SORBS2: variants seen among roughly 807,000 people sequenced by gnomAD.
SORBS2 encodes the protein sorbin and SH3 domain-containing protein 2.
In SORBS2, 46 loss-of-function variants were observed where a neutral mutation model predicts 97.7. That is an observed-to-expected ratio of 0.47 (90% CI 0.37 to 0.60). The LOEUF (loss-of-function observed/expected upper bound fraction) is 0.60, where lower values mean the gene tolerates loss of function less well. Ranked by LOEUF, SORBS2 falls within the 20% of genes least tolerant of loss-of-function variation. SORBS2 has a pLI of 0.00. For missense variants in SORBS2, 1,316 were observed against 1,282.3 expected (o/e 1.03, Z -0.40); for synonymous variants, 476 against 473.4 (o/e 1.01, Z -0.07).
intron 13 of SORBS2, chr4:185,592,202 C>T (rs1398789755): frequency 6.6e-6 from 1 of 152,620 alleles, no homozygotes; most frequent in African/African-American, 2.4e-5. Flanking sequence ...TTCACTAAAA[C>T]TCTGAATTGT....
At chr4:185,716,997 A>G (rs2098470724) in intron 2 of SORBS2, among the ~76,000 whole-genome samples, 1 of 152,254 alleles carries the variant, frequency 6.6e-6, no homozygotes, top group South Asian at 2.1e-4. Flanking sequence ...AACCACAACC[A>G]AGAAGATGAT....
intron 1 of SORBS2, among the ~76,000 whole-genome samples, chr4:185,798,697 A>G (rs768203150): frequency 3.3e-5 from 5 of 152,206 alleles, no homozygotes; most frequent in African/African-American, 4.8e-5. Context: ...ATTAAGCTGT[A>G]TGCAACCATC....
At chr4:185,737,939 G>A (rs2098698499) in intron 2 of SORBS2, among the ~76,000 whole-genome samples, 1 of 152,214 alleles carries the variant, frequency 6.6e-6, no homozygotes. Flanking sequence ...TCCCCAGTGT[G>A]GGCCACGCTC....
At chr4:185,874,079 C>T (rs1014939657) in intron 1 of SORBS2, among the ~76,000 whole-genome samples, 1 of 152,024 alleles carries the variant, frequency 6.6e-6, no homozygotes, top group African/African-American at 2.4e-5. Context: ...TAGACATGTG[C>T]ACAAATTTAT....
chr4:185,638,423 T>C (rs948098539), intron 4 of SORBS2, among the ~76,000 whole-genome samples: 4 of 152,202 alleles, frequency 2.6e-5, no homozygotes, highest in Non-Finnish European at 5.9e-5. Context: ...GGGCAACTCT[T>C]GCTTGAGTTG....
At chr4:185,886,603 C>CGTGGCCT (rs2099239786) in intron 1 of SORBS2, among the ~76,000 whole-genome samples, 1 of 126,178 alleles carries the variant, frequency 7.9e-6, no homozygotes, top group Non-Finnish European at 1.8e-5. Context: ...AAGAAAACAA[C>CGTGGCCT]GTGGCCTGTG....
At chr4:185,589,866 C>G in intron 13 of SORBS2, 81 bp from the exon 26 acceptor site, 1 of 836,202 alleles carries the variant, frequency 1.2e-6, no homozygotes, top group Non-Finnish European at 2.0e-6. Flanking sequence ...ATTCATTCTT[C>G]CTTTAACATT....
intron 1 of SORBS2, among the ~76,000 whole-genome samples, chr4:185,799,294 C>T (rs116705417): frequency 0.014 from 2,113 of 152,248 alleles, 17 homozygotes; most frequent in South Asian, 0.027. Context: ...TTAGCAACTC[C>T]TTTCCATTGT....
intron 2 of SORBS2, among the ~76,000 whole-genome samples, chr4:185,762,392 A>G (rs1333241290): frequency 6.6e-6 from 1 of 152,092 alleles, no homozygotes; most frequent in Non-Finnish European, 1.5e-5. Context: ...AGGGATAGAG[A>G]TTAGGGATTA....
At chr4:185,616,761 G>T (rs1034758357) in intron 9 of SORBS2, among the ~76,000 whole-genome samples, 24 of 152,036 alleles carry the variant, frequency 1.6e-4, no homozygotes, top group Non-Finnish European at 3.2e-4. Context: ...ATTTTTATTT[G>T]TTTTTGAGAT....
chr4:185,937,181 G>A (rs1473465591), intron 1 of SORBS2, among the ~76,000 whole-genome samples: 1 of 152,088 alleles, frequency 6.6e-6, no homozygotes, highest in East Asian at 1.9e-4. Flanking sequence ...GTGAGTGAGT[G>A]AGTGAGTGAG....
At chr4:185,821,436 T>C (rs960123578) in intron 1 of SORBS2, among the ~76,000 whole-genome samples, 5 of 152,196 alleles carry the variant, frequency 3.3e-5, no homozygotes, top group African/African-American at 1.2e-4. Flanking sequence ...GTTTGTTTCT[T>C]TTTTTGAGAT....
chr4:185,612,026 A>T lies in SORBS2; in HGVS notation c.2596-46T>A. On this transcript the variant is annotated intron_variant, in intron 11 of 14. Coordinates refer to ENST00000418609, the Ensembl canonical transcript of SORBS2. Reference sequence around the variant, plus strand: ...ATGCATTAGAAACAGAGATAGAATAACATGAAAATATAATTGTCAATGTTT... The same window carrying T: ...ATGCATTAGAAACAGAGATAGAATATCATGAAAATATAATTGTCAATGTTT... 2.4e-6 allele frequency: 3 copies of T among 1,236,094 alleles called. No homozygotes were observed. In the South Asian group the frequency reaches 3.9e-5, roughly 16 times the overall value. The allele number at this position is 1,236,094 out of a possible 1,614,324, so 76.6% of individuals were successfully genotyped here.
chr4:185,612,193 C>CATCAGAAT (rs1212695930), intron 11 of SORBS2, among the ~76,000 whole-genome samples: 1 of 152,138 alleles, frequency 6.6e-6, no homozygotes, highest in Admixed American at 6.5e-5. Flanking sequence ...CCATTCAGGC[C>CATCAGAAT]ATCAGAATCT....
intron 1 of SORBS2, among the ~76,000 whole-genome samples, chr4:185,859,463 C>T (rs2099222444): frequency 6.6e-6 from 1 of 152,148 alleles, no homozygotes. Context: ...GATTTTACAA[C>T]TCCAGCCTTT....
chr4:185,876,314 G>A (rs1001421465), intron 1 of SORBS2, among the ~76,000 whole-genome samples: 1 of 152,026 alleles, frequency 6.6e-6, no homozygotes, highest in Admixed American at 6.6e-5. Flanking sequence ...AACTATATTG[G>A]CCAGGCTGAT....
intron 1 of SORBS2, among the ~76,000 whole-genome samples, chr4:185,932,432 G>C (rs1393556114): frequency 2.0e-5 from 3 of 151,832 alleles, no homozygotes; most frequent in African/African-American, 7.3e-5. Flanking sequence ...GGATGGCAAG[G>C]ATGATTTTTT....
At chr4:185,827,110 GCCATCATCATCA>G in intron 1 of SORBS2, among the ~76,000 whole-genome samples, 1 of 31,222 alleles carries the variant, frequency 3.2e-5, no homozygotes, top group African/African-American at 1.2e-4. Flanking sequence ...CACCATCATC[GCCATCATCATCA>G]CCATCATCAT....
chr4:185,692,450 C>G (rs1407445718), intron 2 of SORBS2, among the ~76,000 whole-genome samples: 1 of 152,208 alleles, frequency 6.6e-6, no homozygotes, highest in Non-Finnish European at 1.5e-5. Context: ...AGCAAATGAG[C>G]TTCCTGGCTT....
Sources: gnomAD v4.1 joint callset for allele counts (sites outside exome capture counted in the v4.1 genomes callset) on GRCh38, gnomAD v4.1.1 for gene constraint, MANE v1.5 for transcripts, NCBI Gene and HGNC (gene_info 2026-07-23, HGNC 2026-07-21) for gene names.